The following KCTD1 variants were observed in gnomAD, a reference collection of about 807,000 sequenced individuals.
KCTD1 encodes the protein BTB/POZ domain-containing protein KCTD1.
Under a neutral mutation model 66.0 loss-of-function variants are expected in KCTD1, and 24 were observed. That is an observed-to-expected ratio of 0.36 (90% CI 0.26 to 0.51). The LOEUF is 0.51. Among genes scored for constraint, KCTD1 ranks in the 20% least tolerant of loss-of-function variants. The probability of loss-of-function intolerance (pLI) is 0.95; values close to 1 mark genes in which losing one functional copy is unlikely to be tolerated. For synonymous variants in KCTD1, 511 were observed against 517.2 expected, an observed-to-expected ratio of 0.99 and a Z score of 0.16; for missense variants, 943 against 1,205.2, an observed-to-expected ratio of 0.78 and a Z score of 3.22.
Position 26,547,005 on chromosome 18 carries a change from C to G in KCTD1, c.1532G>C (p.Gly511Ala). Residue 511 changes from glycine (G) to alanine (A), a missense_variant, in exon 1 of 5, where the codon GGG becomes GCG. This residue lies in a region of KCTD1 where 197 missense variants were observed against 182.7 expected (regional missense o/e 1.08). Coordinates refer to ENST00000580059, the MANE Select transcript of KCTD1 (RefSeq NM_001142730.3). ...GTCTTTGGGGAGGATGTAAGTGTTC[C>G]CCAGCGAGGGCGGCTGGGGGCGGTG... Reference protein sequence around the residue: ...HHHRPQPPSLGNTYILPKDSQ... With the variant: ...HHHRPQPPSLANTYILPKDSQ... The G allele has an allele frequency of 6.7e-7, 1 of 1,483,814 alleles. No homozygotes were observed. The highest frequency in any genetic ancestry group is 9.0e-7 in the Non-Finnish European group (1 of 1,113,058). 91.9% of individuals were successfully genotyped at this position (1,483,814 alleles called of 1,614,324 possible).
intron 1 of KCTD1, among the ~76,000 whole-genome samples, chr18:26,542,196 G>A (rs1196456243): frequency 6.6e-6 from 1 of 152,178 alleles, no homozygotes; most frequent in African/African-American, 2.4e-5. Flanking sequence ...AAGTGTGCCT[G>A]TGCAATGTTT....
At chr18:26,643,200 T>C (rs917752436), upstream of KCTD1, among the ~76,000 whole-genome samples, 2 of 152,098 alleles carry the variant, frequency 1.3e-5, no homozygotes, top group Admixed American at 6.5e-5. Context: ...AGCCTCTTCT[T>C]TGTGTGAGAG....
intron 2 of KCTD1, among the ~76,000 whole-genome samples, chr18:26,483,022 A>G (rs997579910): frequency 1.6e-4 from 25 of 152,206 alleles, no homozygotes; most frequent in African/African-American, 5.8e-4. Flanking sequence ...GGACTTTAGG[A>G]AAAGATTTCA....
chr18:26,493,570 T>G (rs1982318083), intron 2 of KCTD1, among the ~76,000 whole-genome samples: 1 of 152,204 alleles, frequency 6.6e-6, no homozygotes, highest in African/African-American at 2.4e-5. Flanking sequence ...TTGAAAATTT[T>G]TGTGTGTACA....
chr18:26,631,174 G>A (rs369187459), upstream of KCTD1, among the ~76,000 whole-genome samples: 13 of 152,138 alleles, frequency 8.5e-5, no homozygotes, highest in South Asian at 2.7e-3. Flanking sequence ...AACCAGGTAG[G>A]GCTTATTCCA....
At chr18:26,598,115 C>T (rs566904018) in intron 1 of KCTD1, among the ~76,000 whole-genome samples, 1 of 152,320 alleles carries the variant, frequency 6.6e-6, no homozygotes, top group African/African-American at 2.4e-5. Context: ...CTTGACTTCC[C>T]CTCAACTCCT....
chr18:26,618,136 T>G (rs977007859), intron 1 of KCTD1, among the ~76,000 whole-genome samples: 4 of 151,968 alleles, frequency 2.6e-5, no homozygotes, highest in Non-Finnish European at 2.9e-5. Flanking sequence ...CAAAGCCATG[T>G]GACCTTAAGC....
chr18:26,558,439 C>A (rs1208784614), intron 1 of KCTD1, among the ~76,000 whole-genome samples: 2 of 152,160 alleles, frequency 1.3e-5, no homozygotes, highest in Admixed American at 1.3e-4. Context: ...TACAATCCAG[C>A]AATCCCACTG....
rs775714921 is a variant in KCTD1 at position 26,635,740 on chromosome 18, G to A, written c.-107+4571C>T. Among the ~76,000 whole-genome samples the A allele has an allele frequency of 1.4e-4, 22 of 152,298 alleles. No individual in the cohort carries two copies. In the South Asian group the frequency reaches 1.5e-3, roughly 10 times the overall value. ...AGGTTACTGGTACACAAACCATAGT[G>A]CTTTGAGGACTAAGGAGCCAGACTA... On this transcript the variant is annotated intron_variant, in intron 1 of 5. Coordinates refer to the KCTD1 transcript ENST00000579973.
intron 1 of KCTD1, among the ~76,000 whole-genome samples, chr18:26,522,446 G>A (rs1382274402): frequency 6.6e-6 from 1 of 152,140 alleles, no homozygotes; most frequent in African/African-American, 2.4e-5. Context: ...CAACCACGCC[G>A]ACGACCTTGA....
intron 3 of KCTD1, among the ~76,000 whole-genome samples, chr18:26,463,950 G>C (rs547907809): frequency 2.6e-5 from 4 of 152,326 alleles, no homozygotes; most frequent in African/African-American, 9.6e-5. Context: ...AGGTACAGGG[G>C]ACAAGAAAAC....
At chr18:26,613,988 C>G (rs1175657985) in intron 1 of KCTD1, among the ~76,000 whole-genome samples, 1 of 152,152 alleles carries the variant, frequency 6.6e-6, no homozygotes, top group African/African-American at 2.4e-5. Context: ...CGTTGCAGCC[C>G]CACCACCCCT....
intron 1 of KCTD1, among the ~76,000 whole-genome samples, chr18:26,609,441 G>T (rs1389087768): frequency 2.6e-5 from 4 of 152,200 alleles, no homozygotes; most frequent in African/African-American, 9.6e-5. Context: ...GCCCTGGGAG[G>T]TTAATGGGAC....
chr18:26,570,647 G>C (rs1238216805), intron 1 of KCTD1, among the ~76,000 whole-genome samples: 1 of 152,162 alleles, frequency 6.6e-6, no homozygotes, highest in East Asian at 1.9e-4. Context: ...TCAGGCTCAA[G>C]ATATCCTCCC....
Position 26,511,403 on chromosome 18 carries a change from C to G in KCTD1, c.1810-10153G>C, listed in dbSNP as rs141494055. ...TGGTCATCTGCCCCCTCTTCCAGAT[C>G]CCTCCATTCCCAGCTCTAAAACATT... On this transcript the variant is annotated intron_variant, in intron 1 of 4. Transcript: ENST00000580059. Among the ~76,000 whole-genome samples, 637 of 152,310 alleles carry G rather than the reference C, an allele frequency of 4.2e-3. 5 individuals are homozygous for G. The highest frequency in any genetic ancestry group is 0.015 in the African/African-American group (614 of 41,552).
At chr18:26,644,487 C>T (rs548086845), upstream of KCTD1, among the ~76,000 whole-genome samples, 55 of 151,806 alleles carry the variant, frequency 3.6e-4, no homozygotes, top group Middle Eastern at 3.4e-3. Flanking sequence ...GGGGCAGGTG[C>T]GGTGGCTCAC....
chr18:26,483,134 C>T (rs1981733663), intron 2 of KCTD1, among the ~76,000 whole-genome samples: 4 of 152,158 alleles, frequency 2.6e-5, no homozygotes, highest in Admixed American at 2.6e-4. Context: ...AAAAGTGATA[C>T]CTGCTTATGT....
chr18:26,496,742 A>ACG (rs1446903568), intron 2 of KCTD1, among the ~76,000 whole-genome samples: 1 of 140,788 alleles, frequency 7.1e-6, no homozygotes, highest in Non-Finnish European at 1.5e-5. Flanking sequence ...AAGCATGTGC[A>ACG]CACACACACA....
At chr18:26,656,228 T>G (rs1598987725) in intron 1 of KCTD1, among the ~76,000 whole-genome samples, 1 of 152,106 alleles carries the variant, frequency 6.6e-6, no homozygotes, top group East Asian at 2.0e-4. Context: ...GCTCCTGACT[T>G]GGCGCTGACC....
Sources: gnomAD v4.1 joint callset for allele counts (sites outside exome capture counted in the v4.1 genomes callset) on GRCh38, gnomAD v4.1.1 for gene constraint, gnomAD v4.1.1 regional missense constraint, MANE v1.5 for transcripts, NCBI Gene and HGNC (gene_info 2026-07-23, HGNC 2026-07-21) for gene names.